ESR1: variants seen among roughly 807,000 people sequenced by gnomAD.
ESR1 encodes the protein estrogen receptor.
Under a neutral mutation model 52.7 loss-of-function variants are expected in ESR1, and 12 were observed. The ratio of observed to expected loss-of-function variants is 0.23; its 90% CI spans 0.15 to 0.37. The LOEUF is 0.37. Among genes scored for constraint, ESR1 ranks in the 10% least tolerant of loss-of-function variants. The pLI is 1.00. For synonymous variants in ESR1, 305 were observed against 316.8 expected (o/e 0.96, Z 0.39); for missense variants, 584 against 779.7 (o/e 0.75, Z 2.99).
intron 2 of ESR1, among the ~76,000 whole-genome samples, chr6:151,866,135 A>G (rs1232014702): frequency 2.0e-5 from 3 of 152,236 alleles, no homozygotes; most frequent in Non-Finnish European, 4.4e-5. Flanking sequence ...GCCCAACCAT[A>G]AGAACTATGA....
chr6:151,913,211 C>T (rs933018903), intron 3 of ESR1, among the ~76,000 whole-genome samples: 20 of 152,088 alleles, frequency 1.3e-4, no homozygotes, highest in Non-Finnish European at 5.9e-5. Context: ...AACCTTATGA[C>T]CCTCGGCCTC....
intron 1 of ESR1, among the ~76,000 whole-genome samples, chr6:151,682,953 G>T (rs888404714): frequency 6.6e-6 from 1 of 152,182 alleles, no homozygotes; most frequent in Non-Finnish European, 1.5e-5. Context: ...TGAGGAAAAT[G>T]ATGTTAAATG....
intron 1 of ESR1, among the ~76,000 whole-genome samples, chr6:151,693,582 G>C (rs181824748): frequency 1.1e-4 from 17 of 152,248 alleles, no homozygotes; most frequent in Non-Finnish European, 2.1e-4. Flanking sequence ...TTGCTTCATT[G>C]TTGGGCAATG....
At chr6:151,889,839 T>C (rs1463670512) in intron 3 of ESR1, among the ~76,000 whole-genome samples, 1 of 152,202 alleles carries the variant, frequency 6.6e-6, no homozygotes, top group African/African-American at 2.4e-5. Flanking sequence ...AATTTTGGTA[T>C]GTTGTGTGTC....
intron 2 of ESR1, among the ~76,000 whole-genome samples, chr6:151,769,077 C>T (rs1046112558): frequency 1.1e-4 from 17 of 152,136 alleles, no homozygotes; most frequent in African/African-American, 4.1e-4. Context: ...TCCTGCAGAT[C>T]CTGGAACATT....
At chr6:152,002,659 T>C (rs565582336) in intron 4 of ESR1, among the ~76,000 whole-genome samples, 2 of 152,184 alleles carry the variant, frequency 1.3e-5, no homozygotes, top group South Asian at 4.1e-4. Context: ...TTCCCTTCTT[T>C]AGTTTGCAAT....
upstream of ESR1, among the ~76,000 whole-genome samples, chr6:151,803,839 G>A (rs1777510926): frequency 6.6e-6 from 1 of 152,156 alleles, no homozygotes; most frequent in Admixed American, 6.5e-5. Context: ...TTTAATCTGG[G>A]TGGCTGGAGA....
chr6:152,026,261 A>G (rs914464138), intron 5 of ESR1, among the ~76,000 whole-genome samples: 1 of 152,038 alleles, frequency 6.6e-6, no homozygotes, highest in East Asian at 1.9e-4. Context: ...CTAATGATCC[A>G]TTATCTGCTG....
At chr6:151,960,771 G>A (rs1027972216) in intron 4 of ESR1, among the ~76,000 whole-genome samples, 1 of 152,178 alleles carries the variant, frequency 6.6e-6, no homozygotes, top group Non-Finnish European at 1.5e-5. Flanking sequence ...ATTGAGGCAG[G>A]GAGAGCAGCT....
chr6:151,730,978 A>C (rs916487931), intron 2 of ESR1, among the ~76,000 whole-genome samples: 4 of 152,192 alleles, frequency 2.6e-5, no homozygotes, highest in Admixed American at 6.5e-5. Flanking sequence ...TTTGGAAAGG[A>C]GCCTGTGTCA....
Position 152,098,625 on chromosome 6 carries a change from T to A in ESR1, c.1554-107T>A. The A allele has an allele frequency of 1.1e-6, 1 of 901,626 alleles. No individual in the cohort carries two copies. Among genetic ancestry groups the A allele is most frequent in the Admixed American group, 2.0e-5 (1 of 50,220 alleles). The allele number at this position is 901,626 out of a possible 1,614,324, so 55.9% of individuals were successfully genotyped here. A position where few individuals can be genotyped will look rare whatever the true frequency, so the allele number is the denominator to read the frequency against. On this transcript the variant is annotated intron_variant, in intron 7 of 7. Coordinates refer to ENST00000206249, the MANE Select transcript of ESR1 (RefSeq NM_000125.4). The surrounding 1 kb of genome is among the most constrained non-coding windows in gnomAD (Gnocchi z 5.1). ...TCTTTAAACAGGAAGAAAGAAAGAT[T>A]GCTAAGTGTCTTTGGAGTTCCTCTT...
At chr6:151,773,402 T>C (rs1039031452) in intron 2 of ESR1, among the ~76,000 whole-genome samples, 3 of 152,230 alleles carry the variant, frequency 2.0e-5, no homozygotes, top group Admixed American at 6.5e-5. Flanking sequence ...CCACCCACTT[T>C]GCGGTGCTTT....
At chr6:151,921,823 G>T (rs921609244) in intron 3 of ESR1, among the ~76,000 whole-genome samples, 5 of 152,150 alleles carry the variant, frequency 3.3e-5, no homozygotes, top group Non-Finnish European at 7.3e-5. Context: ...GTTCCTTGTA[G>T]ATTCTGGATA....
At chr6:151,858,429 A>G (rs943734660) in intron 2 of ESR1, among the ~76,000 whole-genome samples, 9 of 151,992 alleles carry the variant, frequency 5.9e-5, no homozygotes, top group Non-Finnish European at 1.0e-4. Context: ...GCAGTTGCAC[A>G]TATACTAGCC....
chr6:152,024,923 G>T (rs2044006355), intron 5 of ESR1, among the ~76,000 whole-genome samples: 1 of 151,170 alleles, frequency 6.6e-6, no homozygotes, highest in African/African-American at 2.4e-5. Flanking sequence ...CATATTGTCT[G>T]CAAATAGAGA....
At chr6:151,693,882 T>G (rs1251153026) in intron 1 of ESR1, among the ~76,000 whole-genome samples, 1 of 152,222 alleles carries the variant, frequency 6.6e-6, no homozygotes, top group Non-Finnish European at 1.5e-5. Context: ...CCTCCCAAAC[T>G]GCTGGGATTA....
intron 6 of ESR1, among the ~76,000 whole-genome samples, chr6:152,082,037 AGAG>A (rs1047615882): frequency 2.0e-4 from 31 of 152,312 alleles, no homozygotes; most frequent in African/African-American, 7.2e-4. Context: ...AGAGGTACAA[AGAG>A]GAGCTGGTAC....
rs569135592 is a variant in ESR1, at chr6:151,787,435, A to C, written c.-70-20408A>C. Among the ~76,000 whole-genome samples the C allele has an allele frequency of 3.9e-5, 6 of 152,348 alleles. 1 individual carries two copies. In the South Asian group the frequency reaches 1.2e-3, roughly 32 times the overall value. ...ATTGAATCTATAAGTTGCTTTGAGC[A>C]GTATGGCCCTTTTATTGATATTGAT... is the stretch of plus-strand genomic sequence containing the variant. On this transcript the variant is annotated intron_variant, in intron 2 of 2. Transcript: ENST00000404742.
At chr6:151,871,918 CTTTT>C (rs1791040471) in intron 2 of ESR1, among the ~76,000 whole-genome samples, 1 of 152,130 alleles carries the variant, frequency 6.6e-6, no homozygotes, top group South Asian at 2.1e-4. Flanking sequence ...AGTTTCCTTC[CTTTT>C]TAAGGCTGAA....
Sources: allele counts gnomAD v4.1 joint callset (sites outside exome capture counted in the v4.1 genomes callset), GRCh38; gene constraint gnomAD v4.1.1; non-coding constraint Gnocchi (gnomAD v3.1); transcripts MANE v1.5; gene names NCBI Gene and HGNC (gene_info 2026-07-23, HGNC 2026-07-21).